The following P3H2 variants were observed in gnomAD, a reference collection of about 807,000 sequenced individuals.
P3H2 encodes the protein leprecan-like 1.
In P3H2, 80 loss-of-function variants were observed where a neutral mutation model predicts 87.0. That is an observed-to-expected ratio of 0.92 (90% CI 0.77 to 1.11). The LOEUF is 1.11. Ranked by LOEUF, P3H2 falls within the 50% of genes least tolerant of loss-of-function variation. P3H2 has a pLI of 0.00. For missense variants in P3H2, 1,001 were observed against 923.9 expected, an observed-to-expected ratio of 1.08 and a Z score of -1.08; for synonymous variants, 367 against 359.3, an observed-to-expected ratio of 1.02 and a Z score of -0.24.
Position 189,957,076 on chromosome 3 carries a change from G to A in P3H2, c.*836C>T. ...GGGTGAATCAAAGCTTCCAGTGTAA[G>A]TTTATTGTCTGGCGAAAACACCAGA... On this transcript the variant is annotated 3_prime_UTR_variant, in exon 15 of 15. Transcript: ENST00000319332. 2.5e-6 allele frequency: 1 copy of A among 398,654 alleles called. No individual in the cohort carries two copies. 24.7% of individuals were successfully genotyped at this position (398,654 alleles called of 1,614,324 possible).
intron 3 of P3H2, among the ~76,000 whole-genome samples, chr3:189,993,158 A>G (rs1038917853): frequency 2.0e-5 from 3 of 152,086 alleles, no homozygotes; most frequent in Admixed American, 1.3e-4. Flanking sequence ...CCCCGTCTCC[A>G]TGAAAAATAC....
chr3:189,966,123 A>AAGAAAG (rs1553871113), intron 13 of P3H2, among the ~76,000 whole-genome samples: 4 of 102,234 alleles, frequency 3.9e-5, no homozygotes, highest in African/African-American at 1.7e-4. Flanking sequence ...GAAAGAAAGA[A>AAGAAAG]AAAGAAAGAA....
chr3:190,094,736 A>C (rs919523015), intron 1 of P3H2, among the ~76,000 whole-genome samples: 7 of 152,366 alleles, frequency 4.6e-5, no homozygotes, highest in African/African-American at 1.7e-4. Flanking sequence ...GTAATCCGCA[A>C]AACACCTAAC....
chr3:189,992,930 T>C (rs1358858367), intron 3 of P3H2, among the ~76,000 whole-genome samples: 1 of 152,238 alleles, frequency 6.6e-6, no homozygotes, highest in African/African-American at 2.4e-5. Flanking sequence ...TTTCTATTTG[T>C]GTTTGTAGAT....
chr3:190,059,185 C>T lies in P3H2; in HGVS notation c.480+61067G>A, dbSNP rs1224483511. On this transcript the variant is annotated intron_variant, in intron 1 of 14. Transcript: ENST00000319332. ...CCATAGCCTTGTGAGGATTCTCCTA[C>T]TTCCCCCAACCTGTGCCATAATAGT... Among the ~76,000 whole-genome samples the T allele has an allele frequency of 3.3e-5, 5 of 152,160 alleles. 1 individual carries two copies. The highest frequency in any genetic ancestry group is 1.5e-5 in the Non-Finnish European group (1 of 68,024).
rs2108924998 is a variant in P3H2 at position 189,995,568 on chromosome 3, T to TG, written c.481-127_481-126insC. On this transcript the variant is annotated intron_variant, in intron 1 of 14. Transcript: ENST00000319332. ...ACTAGGAGCCTTGGTTTTTTTTTTT[T>TG]TTATCAGACAGGCAATAAAAACAAA... The TG allele has an allele frequency of 6.8e-6, 7 of 1,030,442 alleles. No homozygotes were observed. The East Asian group carries it at 1.8e-4, about 27-fold the overall frequency. The allele number at this position is 1,030,442 out of a possible 1,614,324, so 63.8% of individuals were successfully genotyped here.
chr3:190,045,844 G>A (rs916214872), intron 1 of P3H2, among the ~76,000 whole-genome samples: 7 of 151,962 alleles, frequency 4.6e-5, no homozygotes, highest in Non-Finnish European at 7.4e-5. Flanking sequence ...AACCTAGGCC[G>A]GGCACGGTGG....
chr3:189,965,348 A>G (rs1037571321), intron 13 of P3H2, among the ~76,000 whole-genome samples: 2 of 152,104 alleles, frequency 1.3e-5, no homozygotes, highest in Non-Finnish European at 1.5e-5. Context: ...AGGTGGGTGC[A>G]TATGTGTTTA....
At chr3:189,985,081 T>C (rs979404527) in intron 6 of P3H2, among the ~76,000 whole-genome samples, 8 of 152,030 alleles carry the variant, frequency 5.3e-5, no homozygotes, top group African/African-American at 1.9e-4. Flanking sequence ...TATTAGAAGG[T>C]GTTATATTAG....
chr3:190,001,788 T>C (rs1437280587), intron 1 of P3H2, among the ~76,000 whole-genome samples: 1 of 152,208 alleles, frequency 6.6e-6, no homozygotes, highest in Non-Finnish European at 1.5e-5. Flanking sequence ...GGCACATTTG[T>C]AGACATTTCA....
chr3:189,969,443 A>G (rs917006672), intron 13 of P3H2: 11 of 853,270 alleles, frequency 1.3e-5, no homozygotes, highest in Non-Finnish European at 2.2e-5. Flanking sequence ...CTTGGCCCCC[A>G]TTGGAATATG....
rs879286759 is a variant in P3H2 at position 189,973,507 on chromosome 3, C to CTTTTTTTTTTTTT, written c.1548+401_1548+402insAAAAAAAAAAAAA. On this transcript the variant is annotated intron_variant, in intron 10 of 14. Transcript: ENST00000319332. ...TCAAAACTTTTTTCTTTCTTTCTTTCTTTCTTTTTTTTTTTTTTTTTTTTT... is the reference window on the plus strand; with the variant it reads ...TCAAAACTTTTTTCTTTCTTTCTTTCTTTTTTTTTTTTTTTTCTTTTTTTTTTTTTTTTTTTTT... 3.2e-4 allele frequency among the ~76,000 whole-genome samples: 25 copies of CTTTTTTTTTTTTT among 78,982 alleles called. 1 individual carries two copies. The highest frequency in any genetic ancestry group is 1.6e-3 in the South Asian group (3 of 1,904). 51.8% of individuals were successfully genotyped at this position (78,982 alleles called of 152,430 possible). A position where few individuals can be genotyped will look rare whatever the true frequency, so the allele number is the denominator to read the frequency against.
chr3:190,073,945 C>T (rs1726786927), intron 1 of P3H2, among the ~76,000 whole-genome samples: 1 of 152,104 alleles, frequency 6.6e-6, no homozygotes. Context: ...GGACAGTTCA[C>T]TTTTTTGAGG....
chr3:190,011,318 G>C (rs1560361340), intron 1 of P3H2, among the ~76,000 whole-genome samples: 1 of 150,830 alleles, frequency 6.6e-6, no homozygotes, highest in Non-Finnish European at 1.5e-5. Flanking sequence ...GAAAATGTCT[G>C]CTTTTCTTTT....
chr3:190,066,143 G>GTGTGTATATATATATATATA (rs58939026), intron 1 of P3H2, among the ~76,000 whole-genome samples: 1 of 138,766 alleles, frequency 7.2e-6, no homozygotes, highest in Non-Finnish European at 1.5e-5. Context: ...ACTGTGGTGT[G>GTGTGTATATATATATATATA]TATATATATA....
At chr3:190,096,936 C>A (rs1727606733) in intron 1 of P3H2, among the ~76,000 whole-genome samples, 1 of 152,168 alleles carries the variant, frequency 6.6e-6, no homozygotes, top group Non-Finnish European at 1.5e-5. Context: ...TAGTTTGTAG[C>A]TTTGTGTCTA....
chr3:190,060,860 T>C (rs1726309951), intron 1 of P3H2, among the ~76,000 whole-genome samples: 2 of 152,162 alleles, frequency 1.3e-5, no homozygotes, highest in South Asian at 2.1e-4. Context: ...CCATGCTACA[T>C]GGTTTGTTTT....
chr3:190,073,893 T>G (rs375329851), intron 1 of P3H2, among the ~76,000 whole-genome samples: 2 of 152,208 alleles, frequency 1.3e-5, no homozygotes, highest in African/African-American at 4.8e-5. Context: ...TTTGCCTGAA[T>G]TTTTAAAGTG....
intron 8 of P3H2, among the ~76,000 whole-genome samples, chr3:189,978,919 T>G (rs1723436912): frequency 6.6e-6 from 1 of 152,168 alleles, no homozygotes. Context: ...GTCAAACAAG[T>G]TAATTCTTCC....
Sources: allele counts gnomAD v4.1 joint callset (sites outside exome capture counted in the v4.1 genomes callset), GRCh38; gene constraint gnomAD v4.1.1; transcripts MANE v1.5; gene names NCBI Gene and HGNC (gene_info 2026-07-23, HGNC 2026-07-21).